The following TGIF1 variants were observed in gnomAD, a reference collection of about 807,000 sequenced individuals.
The protein encoded by TGIF1 is homeobox protein TGIF1.
TGIF1 carries 4 observed loss-of-function variants against 19.3 expected under a neutral mutation model. The ratio of observed to expected loss-of-function variants is 0.21; its 90% CI spans 0.10 to 0.47. The LOEUF (loss-of-function observed/expected upper bound fraction) is 0.47. TGIF1 is among the 20% of genes least tolerant of loss of function. The pLI is 0.98. For missense variants in TGIF1, 275 were observed against 341.4 expected, an observed-to-expected ratio of 0.81 and a Z score of 1.53; for synonymous variants, 122 against 129.3, an observed-to-expected ratio of 0.94 and a Z score of 0.38.
intron 2 of TGIF1, among the ~76,000 whole-genome samples, chr18:3,423,679 A>AGG (rs2082435670): frequency 6.6e-6 from 1 of 151,576 alleles, no homozygotes; most frequent in Non-Finnish European, 1.5e-5. Flanking sequence ...CGAGACTCCC[A>AGG]TCTCAAAAAA....
At chr18:3,430,807 C>G (rs140872083) in intron 2 of TGIF1, among the ~76,000 whole-genome samples, 1 of 152,034 alleles carries the variant, frequency 6.6e-6, no homozygotes, top group East Asian at 1.9e-4. Flanking sequence ...CCACTGCACC[C>G]GGCTAGTTTT....
At chr18:3,447,652 C>T (rs1427921125), upstream of TGIF1, 4 of 1,468,014 alleles carry the variant, frequency 2.7e-6, no homozygotes, top group Non-Finnish European at 3.8e-6. Context: ...TCTACGGGAG[C>T]GGTTGGGCTG....
At chr18:3,449,255 G>C (rs1201734548), upstream of TGIF1, among the ~76,000 whole-genome samples, 1 of 152,194 alleles carries the variant, frequency 6.6e-6, no homozygotes, top group Non-Finnish European at 1.5e-5. Context: ...CCAATCCGAA[G>C]AGTAGACACT....
At chr18:3,452,453 C>G (rs1036285349) in intron 1 of TGIF1, 218 of 1,604,162 alleles carry the variant, frequency 1.4e-4, no homozygotes, top group Non-Finnish European at 1.1e-4. Context: ...GCCGAGGTTA[C>G]CCGGGTTTCT....
intron 1 of TGIF1, chr18:3,453,811 CTTG>C: frequency 1.0e-6 from 1 of 985,160 alleles, no homozygotes; most frequent in Non-Finnish European, 1.2e-6. Context: ...GTGAAAGAAG[CTTG>C]TGATCCTGCC....
At chr18:3,438,342 A>G (rs991721062) in intron 2 of TGIF1, among the ~76,000 whole-genome samples, 1 of 152,136 alleles carries the variant, frequency 6.6e-6, no homozygotes, top group Non-Finnish European at 1.5e-5. Context: ...TCATGTGTGC[A>G]AGAGTTATGA....
intron 1 of TGIF1, chr18:3,453,780 A>G (rs2083073343): frequency 5.1e-6 from 5 of 984,756 alleles, no homozygotes; most frequent in African/African-American, 3.5e-5. Context: ...TCTCCACAAC[A>G]TTTCCTTGTA....
rs2143416759 is a variant in TGIF1, at chr18:3,457,409, C to T, written c.288C>T (p.Asp96=). Residue 96 remains aspartate, a synonymous_variant, in exon 3 of 3, where the codon GAC becomes GAT. Coordinates refer to ENST00000343820, the MANE Select transcript of TGIF1 (RefSeq NM_003244.4). The surrounding 1 kb of genome is among the most constrained non-coding windows in gnomAD (Gnocchi z 4.9). ...ACGCCCGCCGCAGGCTCCTCCCTGA[C>T]ATGCTGAGAAAGGATGGCAAAGATC... ...FINARRRLLP[D]MLRKDGKDPN... The T allele has an allele frequency of 6.2e-7, 1 of 1,614,236 alleles. No individual in the cohort carries two copies. The highest frequency in any genetic ancestry group is 8.5e-7 in the Non-Finnish European group (1 of 1,180,034).
upstream of TGIF1, among the ~76,000 whole-genome samples, chr18:3,447,242 C>T (rs751266067): frequency 7.9e-5 from 12 of 151,642 alleles, no homozygotes; most frequent in Non-Finnish European, 1.5e-4. Flanking sequence ...CCGCCAGCAC[C>T]AAGCAACGCC....
intron 2 of TGIF1, among the ~76,000 whole-genome samples, chr18:3,427,391 C>G (rs1278502778): frequency 1.3e-5 from 2 of 151,578 alleles, no homozygotes; most frequent in Non-Finnish European, 2.9e-5. Flanking sequence ...CCACTAGGTT[C>G]AAGTGATTCT....
chr18:3,445,753 A>G (rs2082734909), upstream of TGIF1, among the ~76,000 whole-genome samples: 1 of 89,708 alleles, frequency 1.1e-5, no homozygotes, highest in African/African-American at 6.6e-5. Context: ...AAAAAAAAAA[A>G]GAGAAGAAAA....
chr18:3,438,164 GA>G lies in TGIF1; in HGVS notation c.-44-18189del, dbSNP rs1242015437. 6.6e-5 allele frequency among the ~76,000 whole-genome samples: 10 copies of G among 152,172 alleles called. No homozygotes were observed. The South Asian group carries it at 2.1e-3, about 32-fold the overall frequency. ...TGTATTTTTTTTCCATAAAGAAGCT[GA>G]TAGAATCAATATATCATTTTATTAG... On this transcript the variant is annotated intron_variant, in intron 2 of 3. Coordinates refer to the TGIF1 transcript ENST00000401449.
At chr18:3,449,250 C>G (rs1249936712), upstream of TGIF1, among the ~76,000 whole-genome samples, 2 of 152,130 alleles carry the variant, frequency 1.3e-5, no homozygotes, top group Non-Finnish European at 1.5e-5. Flanking sequence ...GGGTTCCAAT[C>G]CGAAGAGTAG....
chr18:3,423,123 A>G (rs958774201), intron 2 of TGIF1, among the ~76,000 whole-genome samples: 1 of 152,224 alleles, frequency 6.6e-6, no homozygotes, highest in Non-Finnish European at 1.5e-5. Context: ...GCAATAGGCC[A>G]TACCATAAGC....
upstream of TGIF1, chr18:3,448,016 C>T: frequency 1.0e-6 from 1 of 972,158 alleles, no homozygotes; most frequent in South Asian, 4.8e-5. Context: ...CACCGCGTGG[C>T]CAAGGAGAAC....
intron 2 of TGIF1, among the ~76,000 whole-genome samples, chr18:3,422,479 GTTAA>G (rs1358361974): frequency 3.5e-4 from 53 of 151,376 alleles, no homozygotes; most frequent in Non-Finnish European, 6.2e-4. Flanking sequence ...GTAAGGTAAA[GTTAA>G]TTTATTATTG....
rs2143322786 is a variant in TGIF1, at chr18:3,451,343, G to A, written c.16+838G>A. Reference sequence around the variant, plus strand: ...GTTTGGTTTAAAAACAAAATACACCGGAGGGGGACGGGGGGTGGAGAAACC... The same window carrying A: ...GTTTGGTTTAAAAACAAAATACACCAGAGGGGGACGGGGGGTGGAGAAACC... On this transcript the variant is annotated intron_variant, in intron 1 of 2. Transcript: ENST00000343820. This position sits in a 1 kb window ranked among gnomAD's most constrained non-coding sequence, Gnocchi z 5.4. The A allele has an allele frequency of 1.0e-6, 1 of 985,126 alleles. No individual in the cohort carries two copies. The highest frequency in any genetic ancestry group is 1.1e-4 in the East Asian group (1 of 8,812). 61.0% of individuals were successfully genotyped at this position (985,126 alleles called of 1,614,324 possible).
intron 1 of TGIF1, among the ~76,000 whole-genome samples, chr18:3,454,576 A>G (rs1009970462): frequency 6.6e-5 from 10 of 152,202 alleles, no homozygotes; most frequent in African/African-American, 2.4e-4. Flanking sequence ...AAGCTATTTT[A>G]TTAATAGTTC....
rs1204394961 is a variant in TGIF1 at position 3,451,919 on chromosome 18, A to T, written c.16+1414A>T. On this transcript the variant is annotated intron_variant, in intron 1 of 2. Coordinates refer to ENST00000343820, the MANE Select transcript of TGIF1 (RefSeq NM_003244.4). This position sits in a 1 kb window ranked among gnomAD's most constrained non-coding sequence, Gnocchi z 5.4. ...CTTGGGAGGACTGACAGGTCTAGAGACACGCGCTGTCTGTTGTGGTGGGCC... is the reference window on the plus strand; with the variant it reads ...CTTGGGAGGACTGACAGGTCTAGAGTCACGCGCTGTCTGTTGTGGTGGGCC... The T allele has an allele frequency of 1.3e-6, 2 of 1,532,726 alleles. No individual in the cohort carries two copies. Among genetic ancestry groups the T allele is most frequent in the Admixed American group, 4.1e-5 (2 of 48,900 alleles). 94.9% of individuals were successfully genotyped at this position (1,532,726 alleles called of 1,614,324 possible).
Sources: gnomAD v4.1 joint callset for allele counts (sites outside exome capture counted in the v4.1 genomes callset) on GRCh38, gnomAD v4.1.1 for gene constraint, Gnocchi (gnomAD v3.1) non-coding constraint, MANE v1.5 for transcripts, NCBI Gene and HGNC (gene_info 2026-07-23, HGNC 2026-07-21) for gene names.